The following OR56A3 variants were observed in gnomAD, a reference collection of about 807,000 sequenced individuals.
The protein encoded by OR56A3 is olfactory receptor family 56 subfamily A member 3.
In OR56A3, 23 loss-of-function variants were observed where a neutral mutation model predicts 17.5. The observed-to-expected ratio is 1.32, with a 90% CI of 0.95 to 1.87. The LOEUF (loss-of-function observed/expected upper bound fraction) is 1.87, where lower values mean the gene tolerates loss of function less well. OR56A3 is among the 40% of genes most tolerant of loss of function. The probability of loss-of-function intolerance (pLI) is 0.00; values close to 1 mark genes in which losing one functional copy is unlikely to be tolerated. For synonymous variants in OR56A3, 175 were observed against 150.6 expected (o/e 1.16, Z -1.19); for missense variants, 366 against 380.1 (o/e 0.96, Z 0.31).
At chr11:5,967,606 C>T in the OR56A3 span, 1 of 1,613,598 alleles carries the variant, frequency 6.2e-7, no homozygotes, top group Non-Finnish European at 8.5e-7. Flanking sequence ...TTGGTTCTCA[C>T]ACCATAAACA....
At chr11:5,993,962 A>G in the OR56A3 span, 14 of 444,786 alleles carry the variant, frequency 3.1e-5, no homozygotes, top group African/African-American at 2.6e-4. Flanking sequence ...AATGGTTCGC[A>G]TGGAGTTGGG....
the OR56A3 span, among the ~76,000 whole-genome samples, chr11:5,959,458 C>A: frequency 6.6e-6 from 1 of 152,062 alleles, no homozygotes. Context: ...TTTCTGTCTT[C>A]TTTTGAGAAT....
At chr11:5,961,537 T>C in the OR56A3 span, among the ~76,000 whole-genome samples, 3 of 152,082 alleles carry the variant, frequency 2.0e-5, no homozygotes, top group African/African-American at 7.2e-5. Context: ...GTTAAACAGA[T>C]GCTTGAAGGC....
chr11:5,964,178 G>C, the OR56A3 span, among the ~76,000 whole-genome samples: 1 of 152,046 alleles, frequency 6.6e-6, no homozygotes, highest in Non-Finnish European at 1.5e-5. Flanking sequence ...CCATAAAATA[G>C]CTGTTTTGTA....
the OR56A3 span, among the ~76,000 whole-genome samples, chr11:5,998,367 T>G: frequency 6.6e-6 from 1 of 152,132 alleles, no homozygotes; most frequent in Non-Finnish European, 1.5e-5. Context: ...CCTGCTAGAG[T>G]CTGATTTATG....
chr11:5,964,000 C>A, the OR56A3 span, among the ~76,000 whole-genome samples: 1 of 151,996 alleles, frequency 6.6e-6, no homozygotes, highest in Non-Finnish European at 1.5e-5. Flanking sequence ...GTTGTTGATG[C>A]TCTATTATAT....
chr11:5,965,388 C>T, the OR56A3 span, among the ~76,000 whole-genome samples: 1 of 152,082 alleles, frequency 6.6e-6, no homozygotes, highest in South Asian at 2.1e-4. Context: ...ACACATCTTA[C>T]CCGTGGCCAA....
the OR56A3 span, among the ~76,000 whole-genome samples, chr11:5,958,077 A>T: frequency 6.6e-6 from 1 of 152,214 alleles, no homozygotes; most frequent in South Asian, 2.1e-4. Context: ...TTGTAGAGGT[A>T]TATGTAGCAA....
chr11:5,945,244 T>C (rs1033790057), intron 2 of OR56A3, among the ~76,000 whole-genome samples, 162 bp downstream of exon 2: 1 of 152,182 alleles, frequency 6.6e-6, no homozygotes, highest in Non-Finnish European at 1.5e-5. Flanking sequence ...TTTTCTTTTT[T>C]ATAGGATCAG....
chr11:6,013,365 C>T, the OR56A3 span, among the ~76,000 whole-genome samples: 54,617 of 152,146 alleles, frequency 0.36, 9,965 homozygotes, highest in Admixed American at 0.4. Context: ...GCCCAGCTCG[C>T]GGCCCTGCAG....
chr11:5,945,285 T>C (rs1360806274), intron 2 of OR56A3, among the ~76,000 whole-genome samples: 2 of 152,136 alleles, frequency 1.3e-5, no homozygotes, highest in African/African-American at 2.4e-5. Flanking sequence ...GAGTTATTTA[T>C]TGGGTTTGGC....
the OR56A3 span, among the ~76,000 whole-genome samples, chr11:6,011,204 T>TATACATATATATATA: frequency 0.056 from 6,878 of 122,346 alleles, 280 homozygotes; most frequent in Middle Eastern, 0.085. Flanking sequence ...GAGATTTATT[T>TATACATATATATATA]TATATATATA....
chr11:5,998,725 T>A, the OR56A3 span, among the ~76,000 whole-genome samples: 1 of 152,324 alleles, frequency 6.6e-6, no homozygotes, highest in South Asian at 2.1e-4. Flanking sequence ...CATTTGCTAT[T>A]TTATAGGTAA....
At chr11:5,984,859 A>T in the OR56A3 span, among the ~76,000 whole-genome samples, 1 of 152,250 alleles carries the variant, frequency 6.6e-6, no homozygotes, top group African/African-American at 2.4e-5. Flanking sequence ...ATCTTACATC[A>T]AAGTAGCAAT....
the OR56A3 span, chr11:5,994,559 T>G: frequency 1.0e-6 from 1 of 971,338 alleles, no homozygotes; most frequent in Non-Finnish European, 1.6e-6. Flanking sequence ...AGCCTCGATC[T>G]CTGTCTCCAG....
the OR56A3 span, chr11:6,019,562 G>A: frequency 2.0e-5 from 3 of 152,090 alleles, no homozygotes; most frequent in Non-Finnish European, 2.9e-5. Flanking sequence ...GTGGTGGGAG[G>A]AAAAGAGAGG....
the OR56A3 span, chr11:5,994,839 G>C: frequency 5.3e-6 from 4 of 760,750 alleles, no homozygotes; most frequent in African/African-American, 1.7e-5. Context: ...TTGCTCTCCA[G>C]CTTCTAGTTC....
the OR56A3 span, among the ~76,000 whole-genome samples, chr11:5,970,952 A>T: frequency 6.6e-6 from 1 of 152,236 alleles, no homozygotes; most frequent in African/African-American, 2.4e-5. Flanking sequence ...GAAATAAGAA[A>T]AAATAAAAAA....
At chr11:5,989,784 T>A in the OR56A3 span, among the ~76,000 whole-genome samples, 2 of 152,336 alleles carry the variant, frequency 1.3e-5, no homozygotes, top group African/African-American at 2.4e-5. Context: ...TTGAATTTTT[T>A]AAATAAATTG....
Sources: allele counts gnomAD v4.1 joint callset (sites outside exome capture counted in the v4.1 genomes callset), GRCh38; gene constraint gnomAD v4.1.1; transcripts MANE v1.5; gene names NCBI Gene and HGNC (gene_info 2026-07-23, HGNC 2026-07-21).